ENPP1: variants seen among roughly 807,000 people sequenced by gnomAD.
The protein encoded by ENPP1 is ectonucleotide pyrophosphatase/phosphodiesterase family member 1.
Under a neutral mutation model 122.8 loss-of-function variants are expected in ENPP1, and 73 were observed. That is an observed-to-expected ratio of 0.59 (90% confidence interval 0.49 to 0.72). ENPP1 has a LOEUF of 0.72. Ranked by LOEUF, ENPP1 falls within the 30% of genes least tolerant of loss-of-function variation. The pLI is 0.00. For synonymous variants in ENPP1, 367 were observed against 391.6 expected (o/e 0.94, Z 0.74); for missense variants, 978 against 1,128.1 (o/e 0.87, Z 1.91).
Position 131,854,920 on chromosome 6 carries a change from A to G in ENPP1, c.618-6A>G. On this transcript the variant is annotated splice_polypyrimidine_tract_variant and splice_region_variant and intron_variant, in intron 5 of 24. Transcript: ENST00000647893. ...TAAACATTTTTTTTTCTTTTTCATT[A>G]CCCAGGTTTGAAACGCCTCCTACCC... The G allele has an allele frequency of 6.2e-7, 1 of 1,602,780 alleles. No individual in the cohort carries two copies.
intron 1 of ENPP1, among the ~76,000 whole-genome samples, chr6:131,846,794 T>C (rs1215694370): frequency 6.6e-6 from 1 of 152,164 alleles, no homozygotes; most frequent in Admixed American, 6.5e-5. Context: ...CAAGGAAACT[T>C]TGTCACACTA....
intron 11 of ENPP1, among the ~76,000 whole-genome samples, chr6:131,865,290 A>G (rs568211520): frequency 1.3e-4 from 20 of 152,346 alleles, no homozygotes; most frequent in African/African-American, 4.8e-4. Flanking sequence ...ACAGGGTAAT[A>G]AGTCAAATAG....
intron 1 of ENPP1, among the ~76,000 whole-genome samples, chr6:131,825,545 C>T (rs576799616): frequency 6.6e-6 from 1 of 152,264 alleles, no homozygotes; most frequent in South Asian, 2.1e-4. Context: ...ATCTGTGGAA[C>T]ATTTTTAGCA....
At chr6:131,852,149 A>G (rs774809762) in intron 4 of ENPP1, 26 bp from the exon 5 acceptor site, 1 of 1,499,220 alleles carries the variant, frequency 6.7e-7, no homozygotes. Flanking sequence ...AAGTGTGTTC[A>G]TTTTATTTTC....
At chr6:131,880,082 T>A (rs765612363) in intron 20 of ENPP1, 48 bp downstream of exon 20, 7 of 1,532,348 alleles carry the variant, frequency 4.6e-6, no homozygotes, top group Non-Finnish European at 9.0e-7. Flanking sequence ...AATTAATGAT[T>A]AAGCAGAACA....
At chr6:131,890,064 C>T (rs373307044) in intron 24 of ENPP1, among the ~76,000 whole-genome samples, 2 of 152,128 alleles carry the variant, frequency 1.3e-5, no homozygotes, top group Non-Finnish European at 2.9e-5. Flanking sequence ...TTTAACCCCA[C>T]GCCATTGAAG....
rs749995223 is a variant in ENPP1, at chr6:131,886,716, A to T, written c.2599A>T (p.Ser867Cys). The T allele has an allele frequency of 6.2e-7, 1 of 1,612,522 alleles. No homozygotes were observed. Residue 867 changes from serine (S) to cysteine (C), a missense_variant, in exon 24 of 25, where the codon AGC becomes TGC. Physicochemically the swap from Ser to Cys is moderately radical, Grantham distance 112. Transcript: ENST00000647893. ...GCCTCACAGGACTGATAACAGCGAG[A>T]GCTGTGTGGTAAGTAGCTTTTGTAT... Reference protein sequence around the residue: ...ILPHRTDNSESCVHGKHDSSW... With the variant: ...ILPHRTDNSECCVHGKHDSSW...
At position 131,890,982 on chromosome 6, in the gene ENPP1, C is replaced by T. The variant is rs1782462242; in HGVS notation, c.*471C>T. On this transcript the variant is annotated 3_prime_UTR_variant, in exon 25 of 25. Transcript: ENST00000647893. ...TATCTTTTAACTTGGAGTTTCATTT[C>T]TTTTCATTGTAATCAAAAAAAAAAT... 6.6e-6 allele frequency: 1 copy of T among 151,654 alleles called. No individual in the cohort carries two copies. Among genetic ancestry groups the T allele is most frequent in the African/African-American group, 2.5e-5 (1 of 39,310 alleles). 9.4% of individuals were successfully genotyped at this position (151,654 alleles called of 1,614,324 possible).
chr6:131,847,968 A>T, intron 2 of ENPP1, 120 bp downstream of exon 2: 1 of 727,440 alleles, frequency 1.4e-6, no homozygotes, highest in South Asian at 1.9e-5. Context: ...TACTCCATAG[A>T]TATTGTCAAT....
chr6:131,874,002 A>G (rs1170786683), intron 15 of ENPP1, among the ~76,000 whole-genome samples: 2 of 152,290 alleles, frequency 1.3e-5, no homozygotes, highest in South Asian at 2.1e-4. Context: ...CAAGTAGTTA[A>G]TCACACAGCC....
chr6:131,893,698 T>C lies in ENPP1; in HGVS notation c.*3187T>C, dbSNP rs1782501953. 1 of 152,212 alleles carries C rather than the reference T, an allele frequency of 6.6e-6. No homozygotes were observed. The highest frequency in any genetic ancestry group is 2.4e-5 in the African/African-American group (1 of 41,468). The allele number at this position is 152,212 out of a possible 1,614,324, so 9.4% of individuals were successfully genotyped here. A position where few individuals can be genotyped will look rare whatever the true frequency, so the allele number is the denominator to read the frequency against. ...ACATCTGCTCCTACTTAGCTTTTTT[T>C]CTGTGGTTCTTACACAGTATTCCTT... On this transcript the variant is annotated 3_prime_UTR_variant, in exon 25 of 25. Transcript: ENST00000647893.
At chr6:131,853,746 A>G (rs937968399) in intron 5 of ENPP1, among the ~76,000 whole-genome samples, 1 of 152,176 alleles carries the variant, frequency 6.6e-6, no homozygotes, top group Non-Finnish European at 1.5e-5. Context: ...AAATTTACTG[A>G]GTAAACTTTC....
chr6:131,845,577 G>GC (rs1752391543), intron 1 of ENPP1, among the ~76,000 whole-genome samples: 1 of 150,374 alleles, frequency 6.7e-6, no homozygotes, highest in Non-Finnish European at 1.5e-5. Flanking sequence ...CTGTCTAAGC[G>GC]CCCCCGAGCA....
At chr6:131,860,964 C>A (rs1316748136) in intron 8 of ENPP1, among the ~76,000 whole-genome samples, 1 of 152,000 alleles carries the variant, frequency 6.6e-6, no homozygotes, top group African/African-American at 2.4e-5. Flanking sequence ...TAAATTGCCA[C>A]AATTTAAAAA....
At chr6:131,885,632 A>T (rs1782368131) in intron 23 of ENPP1, among the ~76,000 whole-genome samples, 1 of 152,200 alleles carries the variant, frequency 6.6e-6, no homozygotes, top group African/African-American at 2.4e-5. Context: ...AACAATAATT[A>T]CAGCAGTTTG....
At chr6:131,876,888 A>T in intron 17 of ENPP1, 104 bp from the exon 18 acceptor site, 1 of 986,736 alleles carries the variant, frequency 1.0e-6, no homozygotes, top group Non-Finnish European at 1.6e-6. Context: ...TAAAGAGTAA[A>T]TGACTCATGT....
intron 1 of ENPP1, among the ~76,000 whole-genome samples, chr6:131,845,781 T>A (rs1781802735): frequency 6.6e-6 from 1 of 152,174 alleles, no homozygotes; most frequent in South Asian, 2.1e-4. Flanking sequence ...TTCCATATAG[T>A]TGTGTCAGTT....
intron 12 of ENPP1, 81 bp downstream of exon 12, chr6:131,868,207 A>G (rs1191582590): frequency 9.9e-7 from 1 of 1,012,016 alleles, no homozygotes; most frequent in East Asian, 2.4e-5. Flanking sequence ...TTTTTTCTGA[A>G]TGTTGTAGTT....
intron 1 of ENPP1, among the ~76,000 whole-genome samples, chr6:131,843,648 G>A (rs1781769078): frequency 6.8e-6 from 1 of 148,022 alleles, no homozygotes; most frequent in African/African-American, 2.6e-5. Context: ...CCCTCTCCCA[G>A]GGCATGTCGT....
Sources: allele counts gnomAD v4.1 joint callset (sites outside exome capture counted in the v4.1 genomes callset), GRCh38; gene constraint gnomAD v4.1.1; transcripts MANE v1.5; gene names NCBI Gene and HGNC (gene_info 2026-07-23, HGNC 2026-07-21).